The following TUT7 variants were observed in gnomAD, a reference collection of about 807,000 sequenced individuals.
TUT7 encodes the protein terminal uridylyl transferase 7, also known as terminal uridylyltransferase 7.
In TUT7, 33 loss-of-function variants were observed where a neutral mutation model predicts 165.9. The observed-to-expected ratio is 0.20, with a 90% confidence interval of 0.15 to 0.27. TUT7 has a LOEUF of 0.27. Ranked by LOEUF, TUT7 falls within the 10% of genes least tolerant of loss-of-function variation. The pLI is 1.00. For missense variants in TUT7, 1,338 were observed against 1,762.3 expected (o/e 0.76, Z 4.31); for synonymous variants, 552 against 608.1 (o/e 0.91, Z 1.36).
chr9:86,306,319 G>T (rs1213961064), intron 22 of TUT7, among the ~76,000 whole-genome samples: 2 of 152,200 alleles, frequency 1.3e-5, no homozygotes, highest in African/African-American at 4.8e-5. Context: ...ACCATATTGA[G>T]ATTGAGACTA....
intron 2 of TUT7, among the ~76,000 whole-genome samples, chr9:86,351,150 AT>A (rs1325237248): frequency 1.0e-3 from 137 of 133,058 alleles, no homozygotes; most frequent in African/African-American, 3.3e-3. Flanking sequence ...AAAAAAAAAA[AT>A]CAGGCTGAAT....
At chr9:86,339,804 C>T (rs1028982084) in intron 8 of TUT7, among the ~76,000 whole-genome samples, 3 of 152,060 alleles carry the variant, frequency 2.0e-5, no homozygotes, top group African/African-American at 7.2e-5. Context: ...TGAAATGGAC[C>T]GAAATACTTC....
rs544427108 is a variant in TUT7, at chr9:86,342,875, A to G, written c.1086+200T>C. Among the ~76,000 whole-genome samples the G allele has an allele frequency of 3.2e-3, 482 of 152,334 alleles. 1 individual carries two copies. Among genetic ancestry groups the G allele is most frequent in the African/African-American group, 0.011 (468 of 41,578 alleles). On this transcript the variant is annotated intron_variant, in intron 6 of 26. Transcript: ENST00000375963. Reference sequence around the variant, plus strand: ...TGGTTGAAAAACCAGTGTTGGATGTATAAAAGATCTATAGACTAAAATAAG... The same window carrying G: ...TGGTTGAAAAACCAGTGTTGGATGTGTAAAAGATCTATAGACTAAAATAAG...
Position 86,309,290 on chromosome 9 carries a change from C to A in TUT7, c.3583-1G>T. The A allele has an allele frequency of 6.5e-7, 1 of 1,540,580 alleles. No individual in the cohort carries two copies. Among genetic ancestry groups the A allele is most frequent in the South Asian group, 1.1e-5 (1 of 87,328 alleles). ...CAGGTTTCTTTTCACCTTTGTATAT[C>A]TGAAATTAATTTTTAAACTATTAGT... On this transcript the variant is annotated splice_acceptor_variant, in intron 20 of 26. Coordinates refer to ENST00000375963, the MANE Select transcript of TUT7 (RefSeq NM_024617.4). LOFTEE classifies it high-confidence loss of function.
chr9:86,306,957 C>A (rs1354713969), intron 22 of TUT7, among the ~76,000 whole-genome samples: 1 of 151,714 alleles, frequency 6.6e-6, no homozygotes, highest in Non-Finnish European at 1.5e-5. Context: ...AGATAATAAA[C>A]CTTCAAAACT....
chr9:86,293,789 C>G (rs1301090557), intron 26 of TUT7, among the ~76,000 whole-genome samples: 1 of 152,196 alleles, frequency 6.6e-6, no homozygotes, highest in Admixed American at 6.5e-5. Flanking sequence ...CTGAGCCTAC[C>G]TGACAGGGCA....
At chr9:86,303,242 T>A (rs1448959731) in intron 24 of TUT7, 41 bp from the exon 25 acceptor site, 1 of 1,121,444 alleles carries the variant, frequency 8.9e-7, no homozygotes, top group East Asian at 2.4e-5. Flanking sequence ...ACTATTCACG[T>A]GAGATCGGAA....
At chr9:86,307,114 T>C (rs1319856151) in intron 22 of TUT7, among the ~76,000 whole-genome samples, 2 of 151,544 alleles carry the variant, frequency 1.3e-5, no homozygotes, top group East Asian at 2.0e-4. Context: ...CTACTAAAAA[T>C]ACAAAAAAAT....
At chr9:86,344,488 T>C (rs923427353) in intron 5 of TUT7, among the ~76,000 whole-genome samples, 8 of 151,908 alleles carry the variant, frequency 5.3e-5, no homozygotes, top group Non-Finnish European at 1.0e-4. Flanking sequence ...ACTTGGAAAA[T>C]CAATTCAACA....
chr9:86,343,510 G>A lies in TUT7; in HGVS notation c.998-347C>T, dbSNP rs887985839. Among the ~76,000 whole-genome samples, 4 of 152,092 alleles carry A rather than the reference G, an allele frequency of 2.6e-5. No individual in the cohort carries two copies. The East Asian group carries it at 7.7e-4, about 29-fold the overall frequency. ...CTATTTAAAATATTTTTTTAAATGT[G>A]CCAGTTGAAAAAGAATGTCTTTGTT... On this transcript the variant is annotated intron_variant, in intron 5 of 26. Coordinates refer to ENST00000375963, the MANE Select transcript of TUT7 (RefSeq NM_024617.4).
chr9:86,312,025 C>T (rs1327371199), intron 17 of TUT7, among the ~76,000 whole-genome samples: 3 of 152,198 alleles, frequency 2.0e-5, no homozygotes, highest in Non-Finnish European at 4.4e-5. Flanking sequence ...AGATTGCAGC[C>T]TCTGCCCGGC....
intron 15 of TUT7, among the ~76,000 whole-genome samples, 159 bp downstream of exon 15, chr9:86,319,425 C>T (rs1406231247): frequency 1.3e-5 from 2 of 152,182 alleles, no homozygotes; most frequent in Non-Finnish European, 2.9e-5. Context: ...TACACTGTTT[C>T]TGTTGGTAAA....
Position 86,336,721 on chromosome 9 carries a change from T to G in TUT7, c.1455+698A>C, listed in dbSNP as rs567054780. On this transcript the variant is annotated intron_variant, in intron 10 of 26. Transcript: ENST00000375963. ...ATGGGAGTTTTTCTACACATAAAAG[T>G]GTATCAAGGTAATACCAAGGGATTA... Among the ~76,000 whole-genome samples, 5 of 152,302 alleles carry G rather than the reference T, an allele frequency of 3.3e-5. No individual in the cohort carries two copies. The East Asian group carries it at 9.7e-4, about 29-fold the overall frequency.
At chr9:86,341,547 T>C (rs757841946) in intron 6 of TUT7, among the ~76,000 whole-genome samples, 12 of 152,214 alleles carry the variant, frequency 7.9e-5, no homozygotes, top group Non-Finnish European at 1.6e-4. Flanking sequence ...TTATTTACCA[T>C]GGTCTACACA....
chr9:86,334,160 C>T (rs1001749915), intron 10 of TUT7, among the ~76,000 whole-genome samples: 1 of 151,968 alleles, frequency 6.6e-6, no homozygotes, highest in South Asian at 2.1e-4. Flanking sequence ...CCTCCCTTCC[C>T]GTGGCAAGTA....
rs577581206 is a variant in TUT7 at position 86,311,432 on chromosome 9, G to C, written c.3275-623C>G. Among the ~76,000 whole-genome samples the C allele has an allele frequency of 4.0e-4, 60 of 151,690 alleles. No individual in the cohort carries two copies. Among genetic ancestry groups the C allele is most frequent in the African/African-American group, 1.4e-3 (59 of 41,308 alleles). ...TGCCTGAAATAGAATGGTACGTTCA[G>C]GGAAGTTCCAGAGAATTGCATAGGT... On this transcript the variant is annotated intron_variant, in intron 17 of 26. Transcript: ENST00000375963. The surrounding 1 kb of genome is among the most constrained non-coding windows in gnomAD (Gnocchi z 4.4).
Position 86,353,024 on chromosome 9 carries a change from C to G in TUT7, c.176G>C (p.Gly59Ala). 10 of 1,614,132 alleles carry G rather than the reference C, an allele frequency of 6.2e-6. No homozygotes were observed. The highest frequency in any genetic ancestry group is 8.5e-6 in the Non-Finnish European group (10 of 1,180,012). Residue 59 changes from glycine (G) to alanine (A), a missense_variant, in exon 2 of 27, where the codon GGG becomes GCG. Gly to Ala is a moderately conservative substitution (Grantham distance 60). Transcript: ENST00000375963. ...TTTTCTGGGGGTATTCCCATAGTTC[C>G]CTGGTGTTATCTTCTTTTTTTGAAG... ...KGLQKKKITP[G>A]NYGNTPRKGP...
rs751786432 is a variant in TUT7, at chr9:86,301,257, G to A, written c.4420+19C>T. The A allele has an allele frequency of 3.1e-6, 5 of 1,599,300 alleles. No individual in the cohort carries two copies. The highest frequency in any genetic ancestry group is 3.4e-5 in the Admixed American group (2 of 58,336). ...TTGAGATGTTAGAGCAAACATCAAGGTGTGATAGGTGTCCATACCTGAAGA... is the reference window on the plus strand; with the variant it reads ...TTGAGATGTTAGAGCAAACATCAAGATGTGATAGGTGTCCATACCTGAAGA... On this transcript the variant is annotated intron_variant, in intron 26 of 26. Transcript: ENST00000375963.
intron 26 of TUT7, among the ~76,000 whole-genome samples, chr9:86,297,903 ACCCTTCTG>A (rs1258214463): frequency 4.9e-5 from 5 of 102,346 alleles, no homozygotes; most frequent in African/African-American, 1.6e-4. Context: ...CCACTCACTC[ACCCTTCTG>A]CCTGCTCCAC....
Sources: gnomAD v4.1 joint callset for allele counts (sites outside exome capture counted in the v4.1 genomes callset) on GRCh38, gnomAD v4.1.1 for gene constraint, Gnocchi (gnomAD v3.1) non-coding constraint, MANE v1.5 for transcripts, NCBI Gene and HGNC (gene_info 2026-07-23, HGNC 2026-07-21) for gene names.